The following MTF2 variants were observed in gnomAD, a reference collection of about 807,000 sequenced individuals.
The protein encoded by MTF2 is metal response element binding transcription factor 2.
Under a neutral mutation model 79.5 loss-of-function variants are expected in MTF2, and 11 were observed. That is an observed-to-expected ratio of 0.14 (90% CI 0.09 to 0.23). MTF2 has a LOEUF of 0.23. Ranked by LOEUF, MTF2 falls within the 10% of genes least tolerant of loss-of-function variation. The pLI is 1.00. For missense variants in MTF2, 486 were observed against 711.2 expected (o/e 0.68, Z 3.60); for synonymous variants, 208 against 232.8 (o/e 0.89, Z 0.97).
intron 1 of MTF2, among the ~76,000 whole-genome samples, chr1:93,104,953 G>A (rs915800015): frequency 1.3e-5 from 2 of 151,884 alleles, no homozygotes; most frequent in Non-Finnish European, 2.9e-5. Context: ...TCAGGAGATC[G>A]AGACCAAGGT....
rs774915953 is a variant in MTF2 at position 93,114,964 on chromosome 1, C to G, written c.383-24C>G. ...GAAAGTATTAATGAAACCGAATTTG[C>G]TTTATGCTTTTTTTGATATTAAGGA... On this transcript the variant is annotated intron_variant, in intron 4 of 14. Transcript: ENST00000370298. 3.9e-6 allele frequency: 6 copies of G among 1,521,492 alleles called. No individual in the cohort carries two copies. In the South Asian group the frequency reaches 7.1e-5, roughly 18 times the overall value. 94.2% of individuals were successfully genotyped at this position (1,521,492 alleles called of 1,614,324 possible). A position where few individuals can be genotyped will look rare whatever the true frequency, so the allele number is the denominator to read the frequency against.
At chr1:93,128,031 G>A (rs1656769716) in intron 10 of MTF2, among the ~76,000 whole-genome samples, 1 of 152,070 alleles carries the variant, frequency 6.6e-6, no homozygotes, top group East Asian at 1.9e-4. Flanking sequence ...GTAATTACCA[G>A]TGGCTGGATC....
rs763324285 is a variant in MTF2, at chr1:93,119,298, A to G, written c.729-35A>G. On this transcript the variant is annotated intron_variant, in intron 7 of 14. Transcript: ENST00000370298. ...ATTGTTAGTTTATCTCTGATGACTCAGTATAAAACTTTTTCTTTTTTTTTT... is the reference window on the plus strand; with the variant it reads ...ATTGTTAGTTTATCTCTGATGACTCGGTATAAAACTTTTTCTTTTTTTTTT... 5.0e-6 allele frequency: 7 copies of G among 1,392,906 alleles called. No homozygotes were observed. In the East Asian group the frequency reaches 1.7e-4, roughly 34 times the overall value. 86.3% of individuals were successfully genotyped at this position (1,392,906 alleles called of 1,614,324 possible).
At chr1:93,126,156 ATG>A (rs1159146822) in intron 9 of MTF2, among the ~76,000 whole-genome samples, 5 of 63,350 alleles carry the variant, frequency 7.9e-5, no homozygotes, top group Admixed American at 2.3e-4. Context: ...CGTATTTAAC[ATG>A]TTTTTTTTTT....
Position 93,079,365 on chromosome 1 carries a change from C to T in MTF2, c.-162C>T. The stretch of plus-strand genomic sequence containing the variant: ...CGGTGTAAGAACGCTCATTCTACCC[C>T]CAACCCTTGTCTCCAAGGACCTCGG... On this transcript the variant is annotated 5_prime_UTR_variant, in exon 1 of 15. Transcript: ENST00000370298. The T allele has an allele frequency of 1.2e-6, 1 of 813,518 alleles. No homozygotes were observed. Among genetic ancestry groups the T allele is most frequent in the South Asian group, 1.5e-5 (1 of 66,112 alleles). The allele number at this position is 813,518 out of a possible 1,614,324, so 50.4% of individuals were successfully genotyped here.
intron 1 of MTF2, among the ~76,000 whole-genome samples, chr1:93,096,808 CTTTTTTTT>C (rs961849389): frequency 7.3e-6 from 1 of 136,244 alleles, no homozygotes; most frequent in Non-Finnish European, 1.6e-5. Flanking sequence ...TTTTCTTTTT[CTTTTTTTT>C]TTTTTTTTTT....
intron 6 of MTF2, among the ~76,000 whole-genome samples, chr1:93,117,713 G>A (rs554525586): frequency 6.6e-6 from 1 of 152,204 alleles, no homozygotes; most frequent in South Asian, 2.1e-4. Context: ...CTCTCCTGGG[G>A]TTTAGAGAGT....
intron 1 of MTF2, among the ~76,000 whole-genome samples, chr1:93,097,037 T>C (rs937567030): frequency 6.6e-6 from 1 of 152,074 alleles, no homozygotes; most frequent in Non-Finnish European, 1.5e-5. Flanking sequence ...CTCAAACTCC[T>C]GAGCTCAAAT....
chr1:93,106,390 C>T (rs948254673), intron 1 of MTF2, among the ~76,000 whole-genome samples: 7 of 151,466 alleles, frequency 4.6e-5, no homozygotes, highest in African/African-American at 9.7e-5. Context: ...TAGGTCTTAA[C>T]GCAGACCTGC....
chr1:93,108,811 A>G (rs1655912483), intron 1 of MTF2, among the ~76,000 whole-genome samples: 1 of 152,152 alleles, frequency 6.6e-6, no homozygotes, highest in Non-Finnish European at 1.5e-5. Flanking sequence ...CGTACCCATT[A>G]AACACTAACT....
intron 9 of MTF2, chr1:93,121,065 G>A (rs1389130276): frequency 1.9e-5 from 19 of 976,934 alleles, no homozygotes; most frequent in Non-Finnish European, 2.2e-5. Context: ...CTCTCTTGTT[G>A]GTACTCCTTT....
chr1:93,103,559 TAAG>T (rs1472684721), intron 1 of MTF2, among the ~76,000 whole-genome samples: 3 of 152,042 alleles, frequency 2.0e-5, no homozygotes, highest in Non-Finnish European at 4.4e-5. Context: ...GTAGTACAAA[TAAG>T]AATCAGGAGA....
At chr1:93,104,671 C>G (rs1655685593) in intron 1 of MTF2, among the ~76,000 whole-genome samples, 1 of 98,908 alleles carries the variant, frequency 1.0e-5, no homozygotes, top group Non-Finnish European at 2.3e-5. Context: ...GAGCAAGACT[C>G]CATCTCAAAA....
chr1:93,079,677 G>T, intron 1 of MTF2, 146 bp downstream of exon 1: 1 of 1,030,008 alleles, frequency 9.7e-7, no homozygotes, highest in South Asian at 1.4e-5. Flanking sequence ...TTGCATTTAT[G>T]TGTATATTGA....
intron 1 of MTF2, 78 bp downstream of exon 1, chr1:93,079,609 A>T: frequency 3.2e-6 from 5 of 1,569,206 alleles, no homozygotes; most frequent in Non-Finnish European, 4.4e-6. Context: ...GGAAGCAAGT[A>T]TAAAAGGGAA....
chr1:93,131,878 G>C (rs1571255105), intron 11 of MTF2, among the ~76,000 whole-genome samples: 1 of 152,158 alleles, frequency 6.6e-6, no homozygotes, highest in East Asian at 1.9e-4. Context: ...AGAGAAGATG[G>C]GTACAGATGC....
chr1:93,100,491 G>C (rs758425972), intron 1 of MTF2, among the ~76,000 whole-genome samples: 3 of 152,058 alleles, frequency 2.0e-5, no homozygotes, highest in Non-Finnish European at 1.5e-5. Context: ...ATTTTTAGTA[G>C]AGACGGAGTT....
At chr1:93,120,743 C>T in intron 9 of MTF2, 71 bp downstream of exon 9, 1 of 1,560,108 alleles carries the variant, frequency 6.4e-7, no homozygotes. Context: ...TTTCAAAAAA[C>T]AACTGAGACA....
At chr1:93,085,118 T>C (rs971345566) in intron 1 of MTF2, among the ~76,000 whole-genome samples, 2 of 152,166 alleles carry the variant, frequency 1.3e-5, no homozygotes, top group Non-Finnish European at 2.9e-5. Flanking sequence ...AAAAATACTT[T>C]TAAAATTTCA....
Sources: gnomAD v4.1 joint callset for allele counts (sites outside exome capture counted in the v4.1 genomes callset) on GRCh38, gnomAD v4.1.1 for gene constraint, MANE v1.5 for transcripts, NCBI Gene and HGNC (gene_info 2026-07-23, HGNC 2026-07-21) for gene names.